The following WWOX variants were observed in gnomAD, a reference collection of about 807,000 sequenced individuals.
The protein encoded by WWOX is WW domain-containing oxidoreductase.
A neutral mutation model predicts 46.2 loss-of-function variants in WWOX; 69 were observed. That is an observed-to-expected ratio of 1.49 (90% CI 1.23 to 1.82). The LOEUF (loss-of-function observed/expected upper bound fraction) is 1.82. WWOX is among the 40% of genes most tolerant of loss of function. The pLI is 0.00. For missense variants in WWOX, 919 were observed against 542.6 expected, an observed-to-expected ratio of 1.69 and a Z score of -6.89; for synonymous variants, 359 against 202.6, an observed-to-expected ratio of 1.77 and a Z score of -6.56.
chr16:78,901,928 C>CT (rs2044841185), intron 8 of WWOX, among the ~76,000 whole-genome samples: 1 of 152,220 alleles, frequency 6.6e-6, no homozygotes, highest in Admixed American at 6.5e-5. Context: ...CCGCACCTCA[C>CT]TGTTGGGCTG....
At chr16:79,081,066 A>G (rs2048751683) in intron 8 of WWOX, among the ~76,000 whole-genome samples, 1 of 152,132 alleles carries the variant, frequency 6.6e-6, no homozygotes, top group Admixed American at 6.5e-5. Context: ...CTATTATATT[A>G]TAGAAGTTTT....
At chr16:78,541,970 G>A (rs2043907156) in intron 8 of WWOX, among the ~76,000 whole-genome samples, 1 of 123,088 alleles carries the variant, frequency 8.1e-6, no homozygotes, top group South Asian at 2.8e-4. Flanking sequence ...ATGGATTGGT[G>A]TCATGTTTGA....
At chr16:79,024,547 C>A (rs183011594) in intron 8 of WWOX, among the ~76,000 whole-genome samples, 2 of 152,164 alleles carry the variant, frequency 1.3e-5, no homozygotes, top group Non-Finnish European at 2.9e-5. Flanking sequence ...CATTCTCCTG[C>A]CTCAGCCTCC....
chr16:78,303,940 C>G (rs2080088647), intron 5 of WWOX, among the ~76,000 whole-genome samples: 4 of 152,218 alleles, frequency 2.6e-5, no homozygotes, highest in Non-Finnish European at 5.9e-5. Flanking sequence ...GCTTTTGAAT[C>G]TATACGCAAT....
intron 8 of WWOX, among the ~76,000 whole-genome samples, chr16:78,864,818 A>G (rs985158985): frequency 4.1e-4 from 51 of 124,068 alleles, no homozygotes; most frequent in Non-Finnish European, 5.3e-4. Flanking sequence ...GCTGGAGTGC[A>G]GTGGTGTGAA....
At chr16:78,905,143 C>G (rs545861889) in intron 8 of WWOX, among the ~76,000 whole-genome samples, 1 of 152,140 alleles carries the variant, frequency 6.6e-6, no homozygotes, top group Non-Finnish European at 1.5e-5. Context: ...TTGGAACTGA[C>G]CCTCTATGAG....
At chr16:78,729,755 G>A (rs1200277846) in intron 8 of WWOX, among the ~76,000 whole-genome samples, 2 of 152,128 alleles carry the variant, frequency 1.3e-5, no homozygotes, top group African/African-American at 4.8e-5. Flanking sequence ...AATGCAAATG[G>A]GCTTTGCTTG....
At chr16:79,198,025 G>C (rs1567611675) in intron 8 of WWOX, among the ~76,000 whole-genome samples, 1 of 152,088 alleles carries the variant, frequency 6.6e-6, no homozygotes, top group East Asian at 1.9e-4. Flanking sequence ...TGAGGAACAA[G>C]AGCAGCTTTA....
chr16:78,257,160 C>T (rs374610143), intron 5 of WWOX, among the ~76,000 whole-genome samples: 1 of 151,956 alleles, frequency 6.6e-6, no homozygotes, highest in Non-Finnish European at 1.5e-5. Flanking sequence ...TTTTGTGATT[C>T]TTCTAGGCTG....
At chr16:78,887,084 GTGTGT>G (rs1567627190) in intron 8 of WWOX, among the ~76,000 whole-genome samples, 1 of 10,304 alleles carries the variant, frequency 9.7e-5, no homozygotes, top group Non-Finnish European at 1.1e-3. Context: ...TGTGGTGTGT[GTGTGT>G]GTGTGTGTGT....
At chr16:78,273,213 T>A (rs1271370239) in intron 5 of WWOX, among the ~76,000 whole-genome samples, 1 of 152,170 alleles carries the variant, frequency 6.6e-6, no homozygotes, top group Admixed American at 6.5e-5. Flanking sequence ...TTAGAAGACC[T>A]TTAATGATAT....
intron 4 of WWOX, among the ~76,000 whole-genome samples, chr16:78,119,926 G>A (rs1390115281): frequency 6.6e-6 from 1 of 151,948 alleles, no homozygotes; most frequent in African/African-American, 2.4e-5. Flanking sequence ...TTCACCTTGC[G>A]AACCTTTAGA....
intron 8 of WWOX, among the ~76,000 whole-genome samples, chr16:78,980,862 C>T (rs2014980): frequency 1.3e-5 from 2 of 151,936 alleles, no homozygotes; most frequent in East Asian, 1.9e-4. Context: ...GTTCTGTAAT[C>T]CTGTAGGACT....
At chr16:78,362,502 G>A (rs981961269) in intron 5 of WWOX, among the ~76,000 whole-genome samples, 2 of 152,048 alleles carry the variant, frequency 1.3e-5, no homozygotes, top group Non-Finnish European at 2.9e-5. Context: ...CCAGGTACTC[G>A]GGAGGCTGAG....
intron 8 of WWOX, among the ~76,000 whole-genome samples, chr16:78,787,802 A>G (rs539562065): frequency 6.6e-6 from 1 of 152,290 alleles, no homozygotes; most frequent in South Asian, 2.1e-4. Context: ...TGAAGGTTCC[A>G]ATTTCTCCAC....
intron 8 of WWOX, among the ~76,000 whole-genome samples, chr16:78,719,863 A>T (rs2048650731): frequency 6.6e-6 from 1 of 152,192 alleles, no homozygotes; most frequent in African/African-American, 2.4e-5. Flanking sequence ...AAAACCCAGC[A>T]TTTATTGGCA....
chr16:78,243,483 A>T (rs896206858), intron 5 of WWOX, among the ~76,000 whole-genome samples: 1 of 152,060 alleles, frequency 6.6e-6, no homozygotes, highest in Non-Finnish European at 1.5e-5. Flanking sequence ...ATGGTACCCA[A>T]TAGGTGCTTT....
intron 5 of WWOX, among the ~76,000 whole-genome samples, chr16:78,289,126 G>A (rs1208539883): frequency 6.6e-6 from 1 of 152,186 alleles, no homozygotes; most frequent in Admixed American, 6.5e-5. Flanking sequence ...GGAACCTGGA[G>A]CGCTGGGAGG....
In WWOX at chr16:78,757,032, C is replaced by T. The variant is rs116332890; in HGVS notation, c.1056+324280C>T. 8.0e-4 allele frequency: 562 copies of T among 702,862 alleles called. 3 individuals carry two copies. The highest frequency in any genetic ancestry group is 7.6e-3 in the African/African-American group (438 of 57,362). The allele number at this position is 702,862 out of a possible 1,614,324, so 43.5% of individuals were successfully genotyped here. Reference sequence around the variant, plus strand: ...AACAGCCATGTGAGTGAACCACGTTCGAAGTTGATTCTGCAGCCCTAGTTA... The same window carrying T: ...AACAGCCATGTGAGTGAACCACGTTTGAAGTTGATTCTGCAGCCCTAGTTA... On this transcript the variant is annotated intron_variant, in intron 8 of 8. Transcript: ENST00000566780.
Sources: gnomAD v4.1 joint callset for allele counts (sites outside exome capture counted in the v4.1 genomes callset) on GRCh38, gnomAD v4.1.1 for gene constraint, MANE v1.5 for transcripts, NCBI Gene and HGNC (gene_info 2026-07-23, HGNC 2026-07-21) for gene names.